Variants in GBE1 observed in about 807,000 individuals in gnomAD.
The protein encoded by GBE1 is 1,4-alpha-glucan-branching enzyme.
GBE1 carries 70 observed loss-of-function variants against 88.8 expected under a neutral mutation model. That is an observed-to-expected ratio of 0.79 (90% CI 0.65 to 0.96). The LOEUF is 0.96. Among genes scored for constraint, GBE1 ranks in the 40% least tolerant of loss-of-function variants. The pLI, the probability that GBE1 is intolerant of heterozygous loss-of-function variation, is 0.00. For synonymous variants in GBE1, 284 were observed against 300.1 expected, an observed-to-expected ratio of 0.95 and a Z score of 0.56; for missense variants, 872 against 871.0, an observed-to-expected ratio of 1.00 and a Z score of -0.01.
At chr3:81,705,348 A>G in intron 2 of GBE1, 96 bp downstream of exon 2, 2 of 926,620 alleles carry the variant, frequency 2.2e-6, no homozygotes, top group South Asian at 4.3e-5. Flanking sequence ...TGTAATCATT[A>G]AAGTTCATAT....
intron 12 of GBE1, among the ~76,000 whole-genome samples, chr3:81,549,156 A>T (rs960251189): frequency 6.7e-6 from 1 of 149,384 alleles, no homozygotes; most frequent in Non-Finnish European, 1.5e-5. Context: ...CAGCCTCCTG[A>T]GTAGCTGGGA....
At chr3:81,746,502 C>G (rs1376457921) in intron 1 of GBE1, among the ~76,000 whole-genome samples, 2 of 152,074 alleles carry the variant, frequency 1.3e-5, no homozygotes, top group Non-Finnish European at 2.9e-5. Context: ...CTCATTCAGT[C>G]CAACCACCTC....
rs552335025 is a variant in GBE1 at position 81,490,414 on chromosome 3, G to A, written c.2102C>T (p.Pro701Leu). 1.9e-5 allele frequency: 30 copies of A among 1,612,434 alleles called. No individual in the cohort carries two copies. Among genetic ancestry groups the A allele is most frequent in the South Asian group, 1.3e-4 (12 of 90,984 alleles). Residue 701 changes from proline (P) to leucine (L), a missense_variant, in exon 16 of 16, where the codon CCG (proline) becomes CTG (leucine). Coordinates refer to ENST00000429644, the MANE Select transcript of GBE1 (RefSeq NM_000158.4). ...VALILQNVDL[P>L]N The stretch of plus-strand genomic sequence containing the variant: ...AGCTGAAATCAGGCCTCTTCAATTC[G>A]GCAGATCCACATTCTGAAGGATGAG...
At chr3:81,571,406 CAGGTTTTCAGTTATATGGAGCACTG>C (rs1703573286) in intron 12 of GBE1, among the ~76,000 whole-genome samples, 1 of 152,110 alleles carries the variant, frequency 6.6e-6, no homozygotes, top group African/African-American at 2.4e-5. Context: ...AATGACAACA[CAGGTTTTCAGTTATATGGAGCACTG>C]AGCTACATTA....
At chr3:81,620,020 T>G (rs1704303360) in intron 7 of GBE1, among the ~76,000 whole-genome samples, 1 of 151,998 alleles carries the variant, frequency 6.6e-6, no homozygotes, top group Non-Finnish European at 1.5e-5. Context: ...AAAAATATAC[T>G]TTGCAAATTA....
chr3:81,575,816 T>G (rs1354463618), intron 12 of GBE1, among the ~76,000 whole-genome samples: 1 of 152,172 alleles, frequency 6.6e-6, no homozygotes, highest in African/African-American at 2.4e-5. Flanking sequence ...CTATCTGTAG[T>G]TTTACTCAGA....
At chr3:81,556,547 T>C (rs920633751) in intron 12 of GBE1, among the ~76,000 whole-genome samples, 2 of 152,060 alleles carry the variant, frequency 1.3e-5, no homozygotes, top group Non-Finnish European at 2.9e-5. Context: ...CTCATGAATA[T>C]CTAAATATTC....
intron 14 of GBE1, among the ~76,000 whole-genome samples, chr3:81,506,790 C>T (rs1702660038): frequency 6.6e-6 from 1 of 152,090 alleles, no homozygotes; most frequent in Admixed American, 6.6e-5. Context: ...GAGCTGGAGG[C>T]CATTATCCTT....
chr3:81,501,148 T>C (rs1024713707), intron 14 of GBE1, among the ~76,000 whole-genome samples: 5 of 152,114 alleles, frequency 3.3e-5, no homozygotes, highest in African/African-American at 1.2e-4. Context: ...ACCCAAACAT[T>C]TAATGTGCCT....
intron 7 of GBE1, among the ~76,000 whole-genome samples, chr3:81,622,569 C>T (rs1704347685): frequency 6.6e-6 from 1 of 152,204 alleles, no homozygotes; most frequent in South Asian, 2.1e-4. Context: ...CCGAACCTCC[C>T]CACTAAATTC....
intron 1 of GBE1, among the ~76,000 whole-genome samples, chr3:81,741,571 G>A (rs1706349296): frequency 1.3e-5 from 2 of 151,724 alleles, no homozygotes; most frequent in Non-Finnish European, 2.9e-5. Context: ...CCAAAGAGAG[G>A]AAAAGCCCCA....
At chr3:81,604,725 ATTATGATACTT>A (rs1284217237) in intron 7 of GBE1, among the ~76,000 whole-genome samples, 1 of 152,188 alleles carries the variant, frequency 6.6e-6, no homozygotes, top group Non-Finnish European at 1.5e-5. Flanking sequence ...ATAAGCAATG[ATTATGATACTT>A]TTTGGAAACC....
intron 1 of GBE1, among the ~76,000 whole-genome samples, chr3:81,709,472 TAC>T (rs1705824479): frequency 6.6e-6 from 1 of 152,066 alleles, no homozygotes. Flanking sequence ...GTAAAAAATA[TAC>T]ACACACATAC....
chr3:81,541,713 C>T (rs1406726564), intron 12 of GBE1, among the ~76,000 whole-genome samples: 2 of 152,024 alleles, frequency 1.3e-5, no homozygotes, highest in East Asian at 3.9e-4. Flanking sequence ...TCTAGGACTT[C>T]CCAGCATCCA....
chr3:81,663,382 C>T (rs1000215887), intron 3 of GBE1, among the ~76,000 whole-genome samples: 1 of 152,140 alleles, frequency 6.6e-6, no homozygotes, highest in African/African-American at 2.4e-5. Context: ...GAAGAGCACC[C>T]TAACAGACAT....
chr3:81,714,646 T>C (rs1705917014), intron 1 of GBE1, among the ~76,000 whole-genome samples: 1 of 152,120 alleles, frequency 6.6e-6, no homozygotes, highest in Non-Finnish European at 1.5e-5. Context: ...CCTATAGAGG[T>C]TGTGGCTTGC....
At chr3:81,698,287 T>C (rs1184551853) in intron 2 of GBE1, among the ~76,000 whole-genome samples, 1 of 151,876 alleles carries the variant, frequency 6.6e-6, no homozygotes. Flanking sequence ...AGTAAACATG[T>C]TATTTTAACT....
chr3:81,629,443 A>C (rs1317604790), intron 7 of GBE1, among the ~76,000 whole-genome samples: 4 of 152,030 alleles, frequency 2.6e-5, no homozygotes, highest in Non-Finnish European at 5.9e-5. Context: ...TTAATTTCTT[A>C]AGAGACATTT....
chr3:81,680,453 G>A (rs925213241), intron 2 of GBE1, among the ~76,000 whole-genome samples: 2 of 143,248 alleles, frequency 1.4e-5, no homozygotes, highest in Admixed American at 7.3e-5. Flanking sequence ...CTGAGATCAC[G>A]CCACTGCACT....
Sources: allele counts gnomAD v4.1 joint callset (sites outside exome capture counted in the v4.1 genomes callset), GRCh38; gene constraint gnomAD v4.1.1; transcripts MANE v1.5; gene names NCBI Gene and HGNC (gene_info 2026-07-23, HGNC 2026-07-21).